The following LRRC49 variants were observed in gnomAD, a reference collection of about 807,000 sequenced individuals.
The protein encoded by LRRC49 is leucine-rich repeat-containing protein 49.
A neutral mutation model predicts 83.3 loss-of-function variants in LRRC49; 50 were observed. That is an observed-to-expected ratio of 0.60 (90% CI 0.48 to 0.76). The LOEUF (loss-of-function observed/expected upper bound fraction) is 0.76, where lower values mean the gene tolerates loss of function less well. Among genes scored for constraint, LRRC49 ranks in the 30% least tolerant of loss-of-function variants. The pLI, the probability that LRRC49 is intolerant of heterozygous loss-of-function variation, is 0.00. For missense variants in LRRC49, 704 were observed against 809.1 expected, an observed-to-expected ratio of 0.87 and a Z score of 1.58; for synonymous variants, 286 against 283.3, an observed-to-expected ratio of 1.01 and a Z score of -0.10.
chr15:70,860,450 T>C (rs2032762396), intron 1 of LRRC49, among the ~76,000 whole-genome samples: 1 of 152,224 alleles, frequency 6.6e-6, no homozygotes, highest in Non-Finnish European at 1.5e-5. Flanking sequence ...GGTCTCACTC[T>C]GTCGCCTAGG....
At chr15:70,941,890 T>C (rs1567062182) in intron 8 of LRRC49, among the ~76,000 whole-genome samples, 1 of 152,358 alleles carries the variant, frequency 6.6e-6, no homozygotes, top group East Asian at 1.9e-4. Flanking sequence ...CTTTCTTTAA[T>C]GGACATTATG....
At chr15:70,903,813 C>T (rs1567044096) in intron 4 of LRRC49, among the ~76,000 whole-genome samples, 1 of 152,212 alleles carries the variant, frequency 6.6e-6, no homozygotes, top group Non-Finnish European at 1.5e-5. Flanking sequence ...ATTTACTTCA[C>T]GTGTAGTATG....
intron 8 of LRRC49, among the ~76,000 whole-genome samples, chr15:70,942,780 T>C (rs570521444): frequency 2.0e-5 from 3 of 152,204 alleles, no homozygotes; most frequent in African/African-American, 7.2e-5. Flanking sequence ...ATACATTGGT[T>C]TGGTCCAGAA....
chr15:70,940,918 T>C (rs979282437), intron 8 of LRRC49, among the ~76,000 whole-genome samples: 9 of 152,208 alleles, frequency 5.9e-5, no homozygotes, highest in African/African-American at 2.2e-4. Flanking sequence ...GGTTGACACG[T>C]GATTCGCCTT....
chr15:71,043,841 T>C (rs2039768578), intron 15 of LRRC49, among the ~76,000 whole-genome samples: 1 of 152,226 alleles, frequency 6.6e-6, no homozygotes, highest in African/African-American at 2.4e-5. Flanking sequence ...ATAAATGATT[T>C]AACAAAATAT....
At chr15:70,916,585 G>A (rs1449102634) in intron 6 of LRRC49, among the ~76,000 whole-genome samples, 5 of 152,140 alleles carry the variant, frequency 3.3e-5, no homozygotes, top group African/African-American at 7.2e-5. Context: ...GTGAGCTACC[G>A]CGCCTGGCCT....
At chr15:71,012,048 A>G (rs1050470907) in intron 13 of LRRC49, among the ~76,000 whole-genome samples, 1 of 152,138 alleles carries the variant, frequency 6.6e-6, no homozygotes, top group African/African-American at 2.4e-5. Flanking sequence ...GTCCAGAAAT[A>G]ACTAAACATG....
chr15:70,925,707 A>G (rs2035170538), intron 7 of LRRC49, among the ~76,000 whole-genome samples: 2 of 152,170 alleles, frequency 1.3e-5, no homozygotes, highest in African/African-American at 2.4e-5. Context: ...TGCATCATCA[A>G]TGTTCTTAAT....
chr15:70,977,141 A>G (rs2037235253), intron 9 of LRRC49, among the ~76,000 whole-genome samples: 1 of 152,218 alleles, frequency 6.6e-6, no homozygotes, highest in African/African-American at 2.4e-5. Context: ...AGATGAGTCA[A>G]CAATTGAACA....
intron 8 of LRRC49, among the ~76,000 whole-genome samples, chr15:70,952,778 C>A (rs1158241664): frequency 6.6e-6 from 1 of 151,572 alleles, no homozygotes; most frequent in Non-Finnish European, 1.5e-5. Context: ...CTTCACAGAT[C>A]GCTAAGAACT....
chr15:70,904,668 C>A lies in LRRC49; in HGVS notation c.413C>A (p.Ser138Ter). ...ATTTCTAATCTACAGAAGTTAATAT[C>A]GTTGGATTTATATGATAACCAGATT... Reference protein sequence around the residue: ...QNISNLQKLISLDLYDNQIEE... With the variant: ...QNISNLQKLI Residue 138 changes from serine (S) to a stop codon, truncating the protein, a stop_gained, in exon 5 of 16, where the codon TCG (serine) becomes TAG (stop). Transcript: ENST00000260382. LOFTEE classifies it high-confidence loss of function. 1 of 1,612,628 alleles carries A rather than the reference C, an allele frequency of 6.2e-7. No individual in the cohort carries two copies. The highest frequency in any genetic ancestry group is 8.5e-7 in the Non-Finnish European group (1 of 1,178,754).
intron 15 of LRRC49, among the ~76,000 whole-genome samples, chr15:71,041,832 G>A (rs534480717): frequency 4.1e-4 from 62 of 152,170 alleles, no homozygotes; most frequent in Non-Finnish European, 7.2e-4. Context: ...AAGAAGGCTA[G>A]CACTATTAGA....
At chr15:70,904,482 C>T in intron 4 of LRRC49, 70 bp from the exon 5 acceptor site, 3 of 1,033,086 alleles carry the variant, frequency 2.9e-6, no homozygotes, top group South Asian at 2.9e-5. Context: ...AAAGATACTA[C>T]TAATAATATT....
intron 11 of LRRC49, among the ~76,000 whole-genome samples, chr15:70,986,998 G>A (rs2037649215): frequency 6.6e-6 from 1 of 152,158 alleles, no homozygotes; most frequent in African/African-American, 2.4e-5. Flanking sequence ...CTTGATCATG[G>A]TGGATAAGCT....
chr15:70,861,316 G>A (rs1420805979), intron 1 of LRRC49, among the ~76,000 whole-genome samples: 1 of 151,774 alleles, frequency 6.6e-6, no homozygotes, highest in Non-Finnish European at 1.5e-5. Context: ...GCAAAAGCAG[G>A]CAAATTATGT....
intron 3 of LRRC49, among the ~76,000 whole-genome samples, chr15:70,897,349 A>G (rs1014567523): frequency 3.3e-5 from 5 of 152,102 alleles, no homozygotes; most frequent in African/African-American, 1.2e-4. Flanking sequence ...ACTCTTTAGG[A>G]AAAAAAACCT....
intron 11 of LRRC49, among the ~76,000 whole-genome samples, chr15:70,989,647 C>T (rs1292330625): frequency 6.6e-5 from 10 of 152,206 alleles, no homozygotes; most frequent in South Asian, 2.1e-4. Context: ...AGTCATTCTC[C>T]GTCCAGCTTT....
chr15:70,894,118 G>A (rs556558964), intron 2 of LRRC49, among the ~76,000 whole-genome samples: 157 of 152,206 alleles, frequency 1.0e-3, no homozygotes, highest in African/African-American at 3.7e-3. Context: ...CTGTTCTCGA[G>A]CTCCTGAGCT....
At position 70,941,567 on chromosome 15, in the gene LRRC49, C is replaced by T. The variant is rs552140797; in HGVS notation, c.773+4745C>T. ...ACAACGTAATGGGGAAACTGGGGAC[C>T]CTCTGTTACATTTGTTGTATTCCTT... On this transcript the variant is annotated intron_variant, in intron 8 of 15. Coordinates refer to ENST00000260382, the MANE Select transcript of LRRC49 (RefSeq NM_017691.5). 3.3e-5 allele frequency among the ~76,000 whole-genome samples: 5 copies of T among 151,442 alleles called. No homozygotes were observed. The South Asian group carries it at 1.0e-3, about 32-fold the overall frequency.
Sources: allele counts gnomAD v4.1 joint callset (sites outside exome capture counted in the v4.1 genomes callset), GRCh38; gene constraint gnomAD v4.1.1; transcripts MANE v1.5; gene names NCBI Gene and HGNC (gene_info 2026-07-23, HGNC 2026-07-21).